TRIP12: variants seen among roughly 807,000 people sequenced by gnomAD.
The protein encoded by TRIP12 is E3 ubiquitin-protein ligase TRIP12.
In TRIP12, 25 loss-of-function variants were observed where a neutral mutation model predicts 244.2. The observed-to-expected ratio is 0.10, with a 90% CI of 0.07 to 0.14. The LOEUF (loss-of-function observed/expected upper bound fraction) is 0.14, where lower values mean the gene tolerates loss of function less well. Ranked by LOEUF, TRIP12 falls within the 10% of genes least tolerant of loss-of-function variation. TRIP12 has a pLI of 1.00. For missense variants in TRIP12, 1,677 were observed against 2,486.4 expected, an observed-to-expected ratio of 0.67 and a Z score of 6.92; for synonymous variants, 905 against 873.1, an observed-to-expected ratio of 1.04 and a Z score of -0.64.
rs188706762 is a variant in TRIP12, at chr2:229,780,822, A to G, written c.5095-1832T>C. 6.2e-4 allele frequency among the ~76,000 whole-genome samples: 95 copies of G among 152,270 alleles called. 1 individual carries two copies. The highest frequency in any genetic ancestry group is 1.0e-3 in the Non-Finnish European group (69 of 68,020). ...GTGTGTGTATGTATTGGCCTCCCCA[A>G]ACTAAAAGATAAGCTCCATCATGGG... On this transcript the variant is annotated intron_variant, in intron 34 of 41. Coordinates refer to ENST00000675903, the MANE Select transcript of TRIP12 (RefSeq NM_001348323.3).
At chr2:229,829,410 T>G (rs1472854538) in intron 7 of TRIP12, 122 bp from the exon 8 acceptor site, 4 of 745,234 alleles carry the variant, frequency 5.4e-6, no homozygotes, top group African/African-American at 1.8e-5. Flanking sequence ...CTTTGCTTTC[T>G]GGACTTTTAA....
intron 1 of TRIP12, among the ~76,000 whole-genome samples, chr2:229,899,085 C>A (rs1166374143): frequency 6.6e-6 from 1 of 152,082 alleles, no homozygotes; most frequent in Non-Finnish European, 1.5e-5. Flanking sequence ...CATTAAGAAA[C>A]CAGTAAAGCA....
intron 6 of TRIP12, among the ~76,000 whole-genome samples, chr2:229,836,320 A>T (rs1490936807): frequency 2.6e-5 from 4 of 152,198 alleles, no homozygotes; most frequent in Non-Finnish European, 5.9e-5. Context: ...TAATAGTTGA[A>T]GTATTAGCCT....
intron 30 of TRIP12, among the ~76,000 whole-genome samples, chr2:229,790,236 G>C (rs1191669631): frequency 1.3e-5 from 2 of 152,160 alleles, no homozygotes; most frequent in Non-Finnish European, 2.9e-5. Context: ...TTTCAAGTAA[G>C]GGTCTGCAAA....
At chr2:229,792,950 C>T (rs368911554) in intron 27 of TRIP12, 23 bp downstream of exon 27, 32 of 1,602,480 alleles carry the variant, frequency 2.0e-5, no homozygotes, top group South Asian at 1.5e-4. Context: ...ATATAACACA[C>T]GAAACAAATA....
At chr2:229,869,104 C>T (rs76625726) in intron 2 of TRIP12, among the ~76,000 whole-genome samples, 1 of 152,184 alleles carries the variant, frequency 6.6e-6, no homozygotes, top group African/African-American at 2.4e-5. Context: ...GGACAGACAA[C>T]CTTTTTAGTG....
At chr2:229,803,159 G>A (rs2044878074) in intron 20 of TRIP12, among the ~76,000 whole-genome samples, 1 of 152,202 alleles carries the variant, frequency 6.6e-6, no homozygotes, top group Non-Finnish European at 1.5e-5. Context: ...AGAGTCCACG[G>A]CTTCTATCAT....
At chr2:229,857,217 G>A (rs1200572501) in intron 4 of TRIP12, among the ~76,000 whole-genome samples, 2 of 151,948 alleles carry the variant, frequency 1.3e-5, no homozygotes, top group Non-Finnish European at 2.9e-5. Flanking sequence ...ATCCATCAGA[G>A]AAGAAAAGAT....
At chr2:229,913,931 A>C (rs986967431) in intron 1 of TRIP12, among the ~76,000 whole-genome samples, 1 of 152,214 alleles carries the variant, frequency 6.6e-6, no homozygotes, top group South Asian at 2.1e-4. Context: ...TAAAAATTTT[A>C]AAGGAGTCAC....
intron 2 of TRIP12, among the ~76,000 whole-genome samples, chr2:229,872,482 T>C (rs749133156): frequency 6.6e-6 from 1 of 152,030 alleles, no homozygotes; most frequent in Non-Finnish European, 1.5e-5. Context: ...GAGAACTGCT[T>C]GAACTCGGGA....
intron 1 of TRIP12, among the ~76,000 whole-genome samples, chr2:229,919,887 A>G (rs963750955): frequency 6.6e-5 from 10 of 152,260 alleles, no homozygotes; most frequent in Non-Finnish European, 7.3e-5. Context: ...CAGCAGTTCA[A>G]CATTTCTGGG....
chr2:229,846,439 T>C (rs1459571934), intron 4 of TRIP12, among the ~76,000 whole-genome samples: 1 of 152,212 alleles, frequency 6.6e-6, no homozygotes, highest in Non-Finnish European at 1.5e-5. Flanking sequence ...CAATAAAATA[T>C]TTTTAACTAA....
intron 4 of TRIP12, among the ~76,000 whole-genome samples, chr2:229,846,135 CTT>C (rs911200985): frequency 6.6e-6 from 1 of 151,250 alleles, no homozygotes; most frequent in Non-Finnish European, 1.5e-5. Context: ...TATACATAAA[CTT>C]AGTGATAAAG....
chr2:229,819,656 T>C (rs77733149), intron 8 of TRIP12, among the ~76,000 whole-genome samples: 2 of 152,224 alleles, frequency 1.3e-5, no homozygotes, highest in South Asian at 2.1e-4. Context: ...ACCAATCTTA[T>C]ATGATGTTAC....
At chr2:229,796,888 A>G (rs1477875903) in intron 24 of TRIP12, 106 bp from the exon 25 acceptor site, 2 of 1,015,476 alleles carry the variant, frequency 2.0e-6, no homozygotes, top group Admixed American at 6.3e-5. Flanking sequence ...AACGCCCTTA[A>G]AAAAGAGGGC....
intron 2 of TRIP12, among the ~76,000 whole-genome samples, chr2:229,870,333 A>T (rs1026461930): frequency 2.6e-5 from 4 of 152,234 alleles, no homozygotes; most frequent in Non-Finnish European, 5.9e-5. Context: ...AGGCACAGGG[A>T]AAGAAATAAA....
At chr2:229,840,521 G>A (rs1162203756) in intron 5 of TRIP12, among the ~76,000 whole-genome samples, 1 of 152,068 alleles carries the variant, frequency 6.6e-6, no homozygotes, top group African/African-American at 2.4e-5. Context: ...GGCCAACATG[G>A]TGAAACCGCA....
intron 2 of TRIP12, among the ~76,000 whole-genome samples, chr2:229,875,439 A>G (rs2063410546): frequency 6.6e-6 from 1 of 152,226 alleles, no homozygotes; most frequent in Non-Finnish European, 1.5e-5. Flanking sequence ...CCTAGGAGAG[A>G]AAAGTGCTAC....
At position 229,786,396 on chromosome 2, in the gene TRIP12, C is replaced by CTTTT. The variant is rs34138414; in HGVS notation, c.4996-545_4996-542dup. Among the ~76,000 whole-genome samples, 258 of 127,736 alleles carry CTTTT rather than the reference C, an allele frequency of 2.0e-3. 2 individuals carry two copies. The highest frequency in any genetic ancestry group is 7.2e-3 in the African/African-American group (231 of 31,894). 83.8% of individuals were successfully genotyped at this position (127,736 alleles called of 152,430 possible). On this transcript the variant is annotated intron_variant, in intron 33 of 41. Transcript: ENST00000675903. ...CCTAATAAAGATACGAATAGGATGACTTTTTTTTTTTTTTTTTTTTTAGGT... is the reference window on the plus strand; with the variant it reads ...CCTAATAAAGATACGAATAGGATGACTTTTTTTTTTTTTTTTTTTTTTTTTAGGT...
Sources: allele counts gnomAD v4.1 joint callset (sites outside exome capture counted in the v4.1 genomes callset), GRCh38; gene constraint gnomAD v4.1.1; transcripts MANE v1.5; gene names NCBI Gene and HGNC (gene_info 2026-07-23, HGNC 2026-07-21).